MARK3: variants seen among roughly 807,000 people sequenced by gnomAD.
MARK3 encodes MAP/microtubule affinity-regulating kinase 3.
A neutral mutation model predicts 90.1 loss-of-function variants in MARK3; 46 were observed. The observed-to-expected ratio is 0.51, with a 90% CI of 0.40 to 0.65. MARK3 has a LOEUF of 0.65. Ranked by LOEUF, MARK3 falls within the 30% of genes least tolerant of loss-of-function variation. The pLI is 0.00. For missense variants in MARK3, 818 were observed against 947.2 expected (o/e 0.86, Z 1.79); for synonymous variants, 321 against 332.6 (o/e 0.97, Z 0.38).
At chr14:103,489,171 T>C (rs536172157) in intron 14 of MARK3, among the ~76,000 whole-genome samples, 15 of 152,330 alleles carry the variant, frequency 9.8e-5, no homozygotes, top group Non-Finnish European at 2.2e-4. Flanking sequence ...GATGACGACA[T>C]CTGGTTCATT....
Position 103,411,631 on chromosome 14 carries a change from C to CT in MARK3, c.243+6371dup, listed in dbSNP as rs200601892. 1.0e-3 allele frequency among the ~76,000 whole-genome samples: 157 copies of CT among 150,182 alleles called. 5 individuals carry two copies. In the East Asian group the frequency reaches 0.026, roughly 25 times the overall value. ...ATGATTCTTTTTTTTTTCTCTCTCT[C>CT]TTTTTTTGGTGAGATGGAGTCTCGC... On this transcript the variant is annotated intron_variant, in intron 2 of 17. Transcript: ENST00000429436.
At chr14:103,405,687 A>G (rs2140695919) in intron 2 of MARK3, among the ~76,000 whole-genome samples, 1 of 151,620 alleles carries the variant, frequency 6.6e-6, no homozygotes, top group South Asian at 2.1e-4. Flanking sequence ...AGTTCTAACC[A>G]CATAATATAA....
chr14:103,495,916 T>C (rs913427463), intron 15 of MARK3, among the ~76,000 whole-genome samples: 1 of 152,232 alleles, frequency 6.6e-6, no homozygotes, highest in Non-Finnish European at 1.5e-5. Flanking sequence ...TGTTTGCACT[T>C]AGATGCTGCA....
At chr14:103,414,754 T>A (rs1449713739) in intron 2 of MARK3, among the ~76,000 whole-genome samples, 1 of 152,180 alleles carries the variant, frequency 6.6e-6, no homozygotes. Context: ...TGTAGAATTA[T>A]ATCGTGAAAA....
chr14:103,392,040 C>G (rs1321818491), intron 1 of MARK3, among the ~76,000 whole-genome samples: 1 of 152,044 alleles, frequency 6.6e-6, no homozygotes, highest in Non-Finnish European at 1.5e-5. Context: ...TACCAGAGGC[C>G]CAGGGCTTTC....
At chr14:103,393,557 T>G (rs189967271) in intron 1 of MARK3, among the ~76,000 whole-genome samples, 1 of 152,310 alleles carries the variant, frequency 6.6e-6, no homozygotes, top group Admixed American at 6.5e-5. Context: ...CCTTATCTTA[T>G]GTATGTAAAT....
chr14:103,498,497 T>G lies in MARK3; in HGVS notation c.1845-5T>G, dbSNP rs909364256. 2 of 1,360,438 alleles carry G rather than the reference T, an allele frequency of 1.5e-6. No individual in the cohort carries two copies. The highest frequency in any genetic ancestry group is 3.1e-5 in the African/African-American group (2 of 64,948). The allele number at this position is 1,360,438 out of a possible 1,614,324, so 84.3% of individuals were successfully genotyped here. Reference sequence around the variant, plus strand: ...TTTTTTTTTTTTTTACTTAATTTCTTTTAGAAACATGTCATTCAGGTTTAT... The same window carrying G: ...TTTTTTTTTTTTTTACTTAATTTCTGTTAGAAACATGTCATTCAGGTTTAT... On this transcript the variant is annotated splice_polypyrimidine_tract_variant and splice_region_variant and intron_variant, in intron 15 of 17. Transcript: ENST00000429436.
At position 103,467,079 on chromosome 14, in the gene MARK3, A is replaced by G. The variant is rs765426253; in HGVS notation, c.998A>G (p.Asp333Gly). The G allele has an allele frequency of 5.7e-6, 8 of 1,395,328 alleles. No homozygotes were observed. In the South Asian group the frequency reaches 9.6e-5, roughly 17 times the overall value. 86.4% of individuals were successfully genotyped at this position (1,395,328 alleles called of 1,614,324 possible). A position where few individuals can be genotyped will look rare whatever the true frequency, so the allele number is the denominator to read the frequency against. The change falls in exon 11 of 18, where the codon GAT (aspartate) becomes GGT (glycine). Residue 333 changes from aspartate (D) to glycine (G), a missense_variant and splice_region_variant. By Grantham distance (94) the Asp-to-Gly change is moderately conservative (BLOSUM62 -1). Around this residue, in one of 3 missense-constraint regions of MARK3, gnomAD observed 560 missense variants for 613.5 expected, o/e 0.91. Transcript: ENST00000429436. ...AAACTGTATTATGCCCTTCTTTTAG[A>G]TATTATGGTGGGAATGGGATATTCA... Reference protein sequence around the residue: ...ELDISDQKRIDIMVGMGYSQE... With the variant: ...ELDISDQKRIGIMVGMGYSQE...
chr14:103,474,169 C>T (rs533095958), intron 12 of MARK3, among the ~76,000 whole-genome samples: 23 of 152,296 alleles, frequency 1.5e-4, no homozygotes, highest in Admixed American at 1.2e-3. Context: ...TGCGCCACTG[C>T]ACTCCAGCCT....
In MARK3 at chr14:103,405,082, T is replaced by G; in HGVS notation, c.58T>G (p.Ser20Ala). 2 of 1,613,892 alleles carry G rather than the reference T, an allele frequency of 1.2e-6. No homozygotes were observed. The highest frequency in any genetic ancestry group is 3.3e-4 in the Middle Eastern group (2 of 6,060). The change falls in exon 2 of 18, where the codon TCA becomes GCA. Residue 20 changes from serine (S) to alanine (A), a missense_variant. Ser to Ala is a moderately conservative substitution (Grantham distance 99). Coordinates refer to ENST00000429436, the MANE Select transcript of MARK3 (RefSeq NM_001128918.3). ...VNERDTENHT[S>A]HGDGRQEVTS... ...TGTGTATGCTGTATTGCAGCACACGTCACATGGAGATGGGCGTCAAGAAGT... is the reference window on the plus strand; with the variant it reads ...TGTGTATGCTGTATTGCAGCACACGGCACATGGAGATGGGCGTCAAGAAGT...
chr14:103,451,126 T>A (rs2141335926), intron 4 of MARK3, among the ~76,000 whole-genome samples: 1 of 151,748 alleles, frequency 6.6e-6, no homozygotes, highest in South Asian at 2.1e-4. Context: ...AGAGAGGGAA[T>A]TTTGCCATGT....
intron 2 of MARK3, among the ~76,000 whole-genome samples, chr14:103,423,322 T>C (rs1280296211): frequency 6.6e-6 from 1 of 151,414 alleles, no homozygotes; most frequent in African/African-American, 2.4e-5. Flanking sequence ...AGGATTTTTC[T>C]CCAGTGGGTG....
chr14:103,473,041 C>G (rs181840364), intron 12 of MARK3, among the ~76,000 whole-genome samples: 22 of 151,572 alleles, frequency 1.5e-4, no homozygotes, highest in African/African-American at 5.3e-4. Flanking sequence ...ATGATGTGCA[C>G]AACTCAGATG....
intron 11 of MARK3, 134 bp downstream of exon 11, chr14:103,467,325 A>C: frequency 1.9e-6 from 1 of 525,140 alleles, no homozygotes; most frequent in Non-Finnish European, 3.4e-6. Flanking sequence ...GCAAATAGCA[A>C]ATCTAAATCC....
chr14:103,404,444 A>C (rs1396354780), intron 1 of MARK3, among the ~76,000 whole-genome samples: 1 of 152,244 alleles, frequency 6.6e-6, no homozygotes, highest in Admixed American at 6.5e-5. Context: ...GTGTGTACAC[A>C]GAAGTGTAAT....
Position 103,448,902 on chromosome 14 carries a change from TTTG to T in MARK3, c.298-14_298-12del, listed in dbSNP as rs2093062084. Reference sequence around the variant, plus strand: ...TGTGTTGGGGGGATTATGTGTTTTGTTTGTTTTTTTTTTTAGCTCTTCAGAGAA... The same window carrying T: ...TGTGTTGGGGGGATTATGTGTTTTGTTTTTTTTTTTTAGCTCTTCAGAGAA... On this transcript the variant is annotated splice_polypyrimidine_tract_variant and intron_variant, in intron 3 of 17. Transcript: ENST00000429436. 1.9e-6 allele frequency: 3 copies of T among 1,551,848 alleles called. No homozygotes were observed. Among genetic ancestry groups the T allele is most frequent in the African/African-American group, 1.4e-5 (1 of 71,460 alleles).
chr14:103,447,483 C>T (rs1180479486), intron 3 of MARK3, among the ~76,000 whole-genome samples: 5 of 152,112 alleles, frequency 3.3e-5, no homozygotes, highest in Non-Finnish European at 7.4e-5. Context: ...CCGCTTTTGC[C>T]TCCTGGAGGT....
At chr14:103,451,826 A>G in intron 4 of MARK3, 92 bp from the exon 5 acceptor site, 1 of 781,570 alleles carries the variant, frequency 1.3e-6, no homozygotes, top group Non-Finnish European at 2.0e-6. Flanking sequence ...AACAGGGAAA[A>G]GGTTGCTTTT....
intron 3 of MARK3, among the ~76,000 whole-genome samples, chr14:103,442,734 T>C (rs563423124): frequency 6.6e-6 from 1 of 152,238 alleles, no homozygotes; most frequent in Non-Finnish European, 1.5e-5. Flanking sequence ...GTAATACTGC[T>C]TTTTGGTGCT....
Sources: allele counts gnomAD v4.1 joint callset (sites outside exome capture counted in the v4.1 genomes callset), GRCh38; gene constraint gnomAD v4.1.1; regional missense constraint gnomAD v4.1.1; transcripts MANE v1.5; gene names NCBI Gene and HGNC (gene_info 2026-07-23, HGNC 2026-07-21).